SAXO1: variants seen among roughly 807,000 people sequenced by gnomAD.
SAXO1 encodes the protein 4930500O09Rik.
A neutral mutation model predicts 17.5 loss-of-function variants in SAXO1; 21 were observed. That is an observed-to-expected ratio of 1.20 (90% CI 0.85 to 1.72). The LOEUF (loss-of-function observed/expected upper bound fraction) is 1.72. Ranked by LOEUF, SAXO1 falls within the 40% of genes most tolerant of loss-of-function variation. SAXO1 has a pLI of 0.00. For missense variants in SAXO1, 843 were observed against 596.0 expected (o/e 1.41, Z -4.32); for synonymous variants, 274 against 216.5 (o/e 1.27, Z -2.33).
At chr9:18,958,032 G>A (rs6475275) in intron 1 of SAXO1, among the ~76,000 whole-genome samples, 118,036 of 152,130 alleles carry the variant, frequency 0.78, 45,869 homozygotes, top group Middle Eastern at 0.83. Flanking sequence ...CCTACACCTC[G>A]TCTGTAGAGA....
At chr9:18,999,583 G>C (rs1163741215) in intron 1 of SAXO1, among the ~76,000 whole-genome samples, 2 of 151,190 alleles carry the variant, frequency 1.3e-5, no homozygotes, top group African/African-American at 4.9e-5. Flanking sequence ...ACACCATCTG[G>C]GAAGTGAGGA....
intron 1 of SAXO1, among the ~76,000 whole-genome samples, chr9:19,024,432 G>A (rs1267715700): frequency 1.3e-5 from 2 of 151,946 alleles, no homozygotes; most frequent in African/African-American, 4.8e-5. Flanking sequence ...TCACACACCG[G>A]GGACAGTTGT....
intron 1 of SAXO1, among the ~76,000 whole-genome samples, chr9:19,040,946 G>A (rs1055049516): frequency 1.0e-4 from 15 of 150,538 alleles, no homozygotes; most frequent in East Asian, 9.7e-4. Context: ...AAAAAATCTT[G>A]CAAAAATTCC....
intron 1 of SAXO1, among the ~76,000 whole-genome samples, chr9:18,962,205 T>A (rs1035742993): frequency 6.6e-6 from 1 of 152,192 alleles, no homozygotes; most frequent in Non-Finnish European, 1.5e-5. Context: ...GTAGCTGGAA[T>A]TATAGGCATG....
intron 1 of SAXO1, among the ~76,000 whole-genome samples, chr9:18,993,867 G>T (rs1026218820): frequency 2.6e-5 from 4 of 152,138 alleles, no homozygotes; most frequent in African/African-American, 4.8e-5. Flanking sequence ...AAATTCCAGG[G>T]AGGGGGATAA....
chr9:19,000,790 G>C (rs988412515), intron 1 of SAXO1, among the ~76,000 whole-genome samples: 1 of 152,078 alleles, frequency 6.6e-6, no homozygotes, highest in African/African-American at 2.4e-5. Flanking sequence ...TTGCAATCCT[G>C]GTCTCTGATA....
chr9:19,023,566 G>C (rs1835339261), intron 1 of SAXO1, among the ~76,000 whole-genome samples: 1 of 152,200 alleles, frequency 6.6e-6, no homozygotes, highest in South Asian at 2.1e-4. Flanking sequence ...TGGCTCCACA[G>C]TCTGCGCTTG....
At chr9:18,971,230 G>A (rs953897656) in intron 1 of SAXO1, among the ~76,000 whole-genome samples, 9 of 152,124 alleles carry the variant, frequency 5.9e-5, no homozygotes, top group Non-Finnish European at 1.3e-4. Flanking sequence ...AAATTCAATT[G>A]AGCAGCGAGG....
chr9:19,030,625 G>C (rs1312192416), intron 1 of SAXO1, among the ~76,000 whole-genome samples: 1 of 152,000 alleles, frequency 6.6e-6, no homozygotes, highest in Non-Finnish European at 1.5e-5. Context: ...AGAATCGTTT[G>C]AACCCAGCAG....
chr9:19,001,559 C>T (rs1469347085), intron 1 of SAXO1, among the ~76,000 whole-genome samples: 1 of 150,946 alleles, frequency 6.6e-6, no homozygotes, highest in Non-Finnish European at 1.5e-5. Flanking sequence ...CCCAGCTACT[C>T]GGGAGGCTGA....
intron 1 of SAXO1, among the ~76,000 whole-genome samples, chr9:18,986,408 G>C (rs570175955): frequency 6.6e-6 from 1 of 152,140 alleles, no homozygotes; most frequent in Non-Finnish European, 1.5e-5. Flanking sequence ...TATTTTAACA[G>C]GATAACTGTA....
chr9:19,026,813 A>G (rs1251649585), intron 1 of SAXO1: 7 of 517,598 alleles, frequency 1.4e-5, no homozygotes, highest in African/African-American at 5.8e-5. Flanking sequence ...GGTGGATCAC[A>G]AGGTCAGGAG....
intron 1 of SAXO1, among the ~76,000 whole-genome samples, chr9:18,996,446 C>G (rs1834004252): frequency 6.6e-6 from 1 of 152,216 alleles, no homozygotes; most frequent in African/African-American, 2.4e-5. Flanking sequence ...TAAGCCTGTA[C>G]AGCATGTGAC....
chr9:18,988,405 A>C lies in SAXO1; in HGVS notation c.39-37468T>G, dbSNP rs189449702. The stretch of plus-strand genomic sequence containing the variant: ...AGGGCTATGAGTCACCCAAACCCCT[A>C]AATGTCCTTCCAAATCCTAAGGTGA... On this transcript the variant is annotated intron_variant, in intron 1 of 3. Transcript: ENST00000380534. Among the ~76,000 whole-genome samples, 576 of 152,342 alleles carry C rather than the reference A, an allele frequency of 3.8e-3. 1 individual carries two copies. Among genetic ancestry groups the C allele is most frequent in the Non-Finnish European group, 5.8e-3 (397 of 68,024 alleles).
upstream of SAXO1, among the ~76,000 whole-genome samples, chr9:19,034,178 T>A (rs114620546): frequency 6.6e-6 from 1 of 152,250 alleles, no homozygotes; most frequent in South Asian, 2.1e-4. Flanking sequence ...TTCTTTCCTA[T>A]GCTTCCTAAC....
chr9:18,948,032 G>A (rs553079182), intron 2 of SAXO1, among the ~76,000 whole-genome samples: 7 of 152,286 alleles, frequency 4.6e-5, no homozygotes, highest in African/African-American at 1.7e-4. Context: ...ATAAAGAAGT[G>A]GGTGGGATGT....
At chr9:19,027,090 A>T (rs1835507875) in intron 1 of SAXO1, 2 of 900,718 alleles carry the variant, frequency 2.2e-6, no homozygotes, top group South Asian at 2.6e-5. Flanking sequence ...AATCAATGTG[A>T]ACAAAACCCT....
intron 1 of SAXO1, among the ~76,000 whole-genome samples, chr9:19,017,020 C>T (rs1835003989): frequency 1.3e-5 from 2 of 151,692 alleles, no homozygotes; most frequent in South Asian, 4.2e-4. Context: ...TCAATGCAGA[C>T]CAATTGGGCC....
rs61045011 is a variant in SAXO1, at chr9:19,025,210, C to T, written c.38+7661G>A. On this transcript the variant is annotated intron_variant, in intron 1 of 3. Transcript: ENST00000380534. ...GTTTTTCTTTTTTTTCTTGGCATCT[C>T]TATCTGGATTCTGCTAAAGATAAGT... Among the ~76,000 whole-genome samples, 5 of 152,080 alleles carry T rather than the reference C, an allele frequency of 3.3e-5. 1 individual carries two copies. Among genetic ancestry groups the T allele is most frequent in the Admixed American group, 1.3e-4 (2 of 15,278 alleles).
Sources: gnomAD v4.1 joint callset for allele counts (sites outside exome capture counted in the v4.1 genomes callset) on GRCh38, gnomAD v4.1.1 for gene constraint, MANE v1.5 for transcripts, NCBI Gene and HGNC (gene_info 2026-07-23, HGNC 2026-07-21) for gene names.